HDX: variants seen among roughly 807,000 people sequenced by gnomAD.
HDX encodes chromosome X open reading frame 43.
A neutral mutation model predicts 45.2 loss-of-function variants in HDX; 19 were observed. That is an observed-to-expected ratio of 0.42 (90% CI 0.29 to 0.62). The LOEUF is 0.62. Among genes scored for constraint, HDX ranks in the 20% least tolerant of loss-of-function variants. The pLI is 0.20. For synonymous variants in HDX, 188 were observed against 172.8 expected, an observed-to-expected ratio of 1.09 and a Z score of -0.69; for missense variants, 532 against 493.9, an observed-to-expected ratio of 1.08 and a Z score of -0.73.
chrX:84,363,426 T>C (rs1182159055), intron 5 of HDX, among the ~76,000 whole-genome samples: 5 of 112,242 alleles, frequency 4.5e-5, no homozygotes, highest in African/African-American at 1.6e-4. Context: ...GCTATCATAA[T>C]GGAAGTGATA....
chrX:84,488,939 G>A (rs763826883), intron 1 of HDX, among the ~76,000 whole-genome samples: 3 of 111,269 alleles, frequency 2.7e-5, no homozygotes, highest in East Asian at 2.8e-4. Flanking sequence ...GTCTGTCATC[G>A]TTTGTCATGC....
At position 84,382,883 on chromosome X, in the gene HDX, C is replaced by T. The variant is rs548145247; in HGVS notation, c.1306-21271G>A. ...CTGTTTGTAATAGAAAGGATAAATG[C>T]TCGAGGAGATGGGATATCCCATTCT... On this transcript the variant is annotated intron_variant, in intron 5 of 10. Coordinates refer to ENST00000373177, the MANE Select transcript of HDX (RefSeq NM_001177479.2). 2.7e-5 allele frequency among the ~76,000 whole-genome samples: 3 copies of T among 110,928 alleles called. No individual in the cohort carries two copies. In the South Asian group the frequency reaches 1.1e-3, roughly 42 times the overall value.
chrX:84,403,867 A>G (rs1361303762), intron 5 of HDX: 1 of 111,890 alleles, frequency 8.9e-6, no homozygotes, highest in Non-Finnish European at 1.9e-5. Flanking sequence ...GAAGATAAAC[A>G]TGTTCTACCA....
chrX:84,456,849 C>T (rs2040122418), intron 4 of HDX, among the ~76,000 whole-genome samples: 1 of 111,323 alleles, frequency 9.0e-6, no homozygotes, highest in African/African-American at 3.3e-5. Flanking sequence ...TATATATGCA[C>T]CAAACACTGG....
intron 5 of HDX, among the ~76,000 whole-genome samples, chrX:84,367,365 G>A (rs929848948): frequency 9.8e-5 from 11 of 112,271 alleles, no homozygotes; most frequent in African/African-American, 2.9e-4. Flanking sequence ...ATGCTGGAGA[G>A]GATGTGAAGA....
rs762652452 is a variant in HDX at position 84,344,307 on chromosome X, C to T, written c.1603G>A (p.Glu535Lys). 5.0e-6 allele frequency: 6 copies of T among 1,207,071 alleles called. No individual in the cohort carries two copies. The East Asian group carries it at 1.5e-4, about 30-fold the overall frequency. Residue 535 changes from glutamate to lysine, a missense_variant, in exon 7 of 11, where the codon GAG becomes AAG. Glu to Lys is a moderately conservative substitution (Grantham distance 56, BLOSUM62 1). This residue lies in a region of HDX where 151 missense variants were observed against 131.8 expected (regional missense o/e 1.15). Transcript: ENST00000373177. ...ACTTCATCATTTCTGTCATTATCCTCTCCTACTTCAGGCCCAGCTTCCTCT... is the reference window on the plus strand; with the variant it reads ...ACTTCATCATTTCTGTCATTATCCTTTCCTACTTCAGGCCCAGCTTCCTCT... ...PGEEAGPEVG[E>K]DNDRNDEVSI...
At chrX:84,364,754 C>A (rs924538109) in intron 5 of HDX, among the ~76,000 whole-genome samples, 5 of 110,159 alleles carry the variant, frequency 4.5e-5, no homozygotes, top group African/African-American at 6.6e-5. Context: ...ACAGCAAACT[C>A]CCCATTTCCC....
At chrX:84,354,930 C>CAT (rs72331919) in intron 6 of HDX, among the ~76,000 whole-genome samples, 1,452 of 74,126 alleles carry the variant, frequency 0.02, 7 homozygotes, top group Non-Finnish European at 0.027. Flanking sequence ...CACACACACA[C>CAT]ATATATATAT....
chrX:84,458,610 T>C (rs147592455), intron 4 of HDX, among the ~76,000 whole-genome samples: 1,487 of 111,588 alleles, frequency 0.013, 35 homozygotes, highest in African/African-American at 0.047. Context: ...GCTTTAAATC[T>C]TTGCCCTTCC....
intron 3 of HDX, among the ~76,000 whole-genome samples, chrX:84,471,996 AC>A (rs1343384565): frequency 9.0e-6 from 1 of 111,242 alleles, no homozygotes; most frequent in African/African-American, 3.3e-5. Context: ...CGTAATCTTT[AC>A]AAAAATATAT....
chrX:84,471,371 TATAAAGGATCTATA>T (rs1402518543), intron 3 of HDX, among the ~76,000 whole-genome samples: 7 of 108,310 alleles, frequency 6.5e-5, no homozygotes, highest in African/African-American at 2.0e-4. Flanking sequence ...CTAATAAATC[TATAAAGGATCTATA>T]ATAAAGGATC....
intron 2 of HDX, among the ~76,000 whole-genome samples, chrX:84,482,658 G>A (rs759041156): frequency 1.8e-5 from 2 of 111,047 alleles, no homozygotes; most frequent in East Asian, 5.7e-4. Flanking sequence ...GATTTTGGTG[G>A]GGACACAGCC....
chrX:84,349,189 T>C (rs1285071206), intron 6 of HDX, among the ~76,000 whole-genome samples: 1 of 110,951 alleles, frequency 9.0e-6, no homozygotes, highest in African/African-American at 3.3e-5. Flanking sequence ...TCTCTGTATC[T>C]GCCTATTTGT....
At chrX:84,434,918 T>A (rs1379233497) in intron 5 of HDX, among the ~76,000 whole-genome samples, 1 of 111,305 alleles carries the variant, frequency 9.0e-6, no homozygotes, top group Non-Finnish European at 1.9e-5. Flanking sequence ...TATCCAGAAA[T>A]TTATTCATTT....
intron 5 of HDX, among the ~76,000 whole-genome samples, chrX:84,383,508 A>G (rs1024499374): frequency 7.2e-5 from 8 of 111,744 alleles, no homozygotes; most frequent in African/African-American, 1.3e-4. Flanking sequence ...ATATTCAGTA[A>G]TAAGTACTAA....
At chrX:84,497,730 C>CGTGT (rs751001968) in intron 1 of HDX, among the ~76,000 whole-genome samples, 3 of 104,781 alleles carry the variant, frequency 2.9e-5, no homozygotes, top group Non-Finnish European at 5.9e-5. Flanking sequence ...TTTACATATA[C>CGTGT]GTGTGTGTGT....
At chrX:84,367,065 C>A (rs773840208) in intron 5 of HDX, among the ~76,000 whole-genome samples, 6 of 111,810 alleles carry the variant, frequency 5.4e-5, no homozygotes, top group African/African-American at 1.9e-4. Context: ...AACAGGCAAC[C>A]TACAGAATGG....
At chrX:84,482,839 C>A (rs375649035) in intron 2 of HDX, among the ~76,000 whole-genome samples, 1 of 111,806 alleles carries the variant, frequency 8.9e-6, no homozygotes, top group East Asian at 2.8e-4. Context: ...CGCCTATGAG[C>A]CTGTAAAATC....
At chrX:84,408,282 C>G (rs1334703773) in intron 5 of HDX, among the ~76,000 whole-genome samples, 4 of 110,898 alleles carry the variant, frequency 3.6e-5, no homozygotes, top group East Asian at 2.8e-4. Context: ...TTCCCAGTAG[C>G]ATTTATTAAA....
Sources: gnomAD v4.1 joint callset for allele counts (sites outside exome capture counted in the v4.1 genomes callset) on GRCh38, gnomAD v4.1.1 for gene constraint, gnomAD v4.1.1 regional missense constraint, MANE v1.5 for transcripts, NCBI Gene and HGNC (gene_info 2026-07-23, HGNC 2026-07-21) for gene names.